Variants in CRADD observed in about 807,000 individuals in gnomAD.
CRADD encodes CARD and death domain containing adaptor protein, also known as death domain-containing protein CRADD.
CRADD carries 9 observed loss-of-function variants against 15.5 expected under a neutral mutation model. The observed-to-expected ratio is 0.58, with a 90% CI of 0.35 to 1.01. The LOEUF (loss-of-function observed/expected upper bound fraction) is 1.01. Among genes scored for constraint, CRADD ranks in the 50% least tolerant of loss-of-function variants. The pLI is 0.02. For synonymous variants in CRADD, 118 were observed against 107.6 expected (o/e 1.10, Z -0.60); for missense variants, 227 against 250.3 (o/e 0.91, Z 0.63).
At chr12:93,792,067 T>C (rs957009302) in intron 2 of CRADD, among the ~76,000 whole-genome samples, 8 of 152,132 alleles carry the variant, frequency 5.3e-5, no homozygotes, top group Non-Finnish European at 1.0e-4. Flanking sequence ...AATCTTAAGA[T>C]GTTATTAGCC....
At chr12:93,786,248 G>C (rs1221004273) in intron 2 of CRADD, among the ~76,000 whole-genome samples, 1 of 152,206 alleles carries the variant, frequency 6.6e-6, no homozygotes, top group Non-Finnish European at 1.5e-5. Context: ...ACAGTTGAGA[G>C]ATGAAGGACA....
chr12:93,851,622 T>G (rs1167922857), downstream of CRADD, among the ~76,000 whole-genome samples: 2 of 152,242 alleles, frequency 1.3e-5, no homozygotes, highest in African/African-American at 2.4e-5. Context: ...CAGGCAAAGC[T>G]GAATAGTGGC....
exon 3 of CRADD, chr12:93,894,254 C>T: frequency 4.0e-6 from 2 of 495,964 alleles, no homozygotes; most frequent in Non-Finnish European, 3.8e-6. Context: ...TGTCACAATT[C>T]TGTGTATGTG....
intron 2 of CRADD, among the ~76,000 whole-genome samples, chr12:93,739,254 AG>A (rs1956632625): frequency 6.6e-6 from 1 of 152,182 alleles, no homozygotes; most frequent in South Asian, 2.1e-4. Context: ...GTAGTAGTGT[AG>A]CCTCTTTTCC....
chr12:93,757,253 T>C lies in CRADD; in HGVS notation c.298+78181T>C, dbSNP rs1185831770. On this transcript the variant is annotated intron_variant, in intron 2 of 2. Coordinates refer to ENST00000332896, the MANE Select transcript of CRADD (RefSeq NM_003805.5). ...AGAGTTTTCATTATGCCGAAGACCA[T>C]ATATTGTATTTTTTGAATTCTCATG... Among the ~76,000 whole-genome samples, 3 of 152,326 alleles carry C rather than the reference T, an allele frequency of 2.0e-5. No homozygotes were observed. In the East Asian group the frequency reaches 5.8e-4, roughly 29 times the overall value.
At position 93,849,955 on chromosome 12, in the gene CRADD, C is replaced by T. The variant is rs1211980921; in HGVS notation, c.299-15C>T. The stretch of plus-strand genomic sequence containing the variant: ...TGCCTTGCTCATTTCACCGGGGTGT[C>T]TTTTTCCTCCTCAGGTGACAGATTG... On this transcript the variant is annotated splice_polypyrimidine_tract_variant and intron_variant, in intron 2 of 2. Transcript: ENST00000332896. 2 of 1,531,838 alleles carry T rather than the reference C, an allele frequency of 1.3e-6. No homozygotes were observed. The highest frequency in any genetic ancestry group is 2.7e-5 in the African/African-American group (2 of 73,184). The allele number at this position is 1,531,838 out of a possible 1,614,324, so 94.9% of individuals were successfully genotyped here.
At position 93,708,350 on chromosome 12, in the gene CRADD, C is replaced by T. The variant is rs189557785; in HGVS notation, c.298+29278C>T. 10 of 152,308 alleles carry T rather than the reference C, an allele frequency of 6.6e-5. No homozygotes were observed. In the East Asian group the frequency reaches 1.9e-3, roughly 29 times the overall value. 9.4% of individuals were successfully genotyped at this position (152,308 alleles called of 1,614,324 possible). A position where few individuals can be genotyped will look rare whatever the true frequency, so the allele number is the denominator to read the frequency against. On this transcript the variant is annotated intron_variant, in intron 2 of 2. Transcript: ENST00000332896. ...GAAAGGCTGTAGGGACTTTCCGTCA[C>T]TCCGAAAACATGAAGTCCAAAGTGG...
intron 2 of CRADD, among the ~76,000 whole-genome samples, chr12:93,727,152 G>A (rs1956382705): frequency 6.6e-6 from 1 of 152,156 alleles, no homozygotes; most frequent in Non-Finnish European, 1.5e-5. Flanking sequence ...GCTTTTGCTT[G>A]TTTTGCTGTT....
At chr12:93,724,935 A>G (rs1452558618) in intron 2 of CRADD, among the ~76,000 whole-genome samples, 4 of 151,934 alleles carry the variant, frequency 2.6e-5, no homozygotes, top group African/African-American at 9.7e-5. Flanking sequence ...ATCTCGGCTC[A>G]CTGCAAGCTC....
At chr12:93,812,110 C>CG (rs779166642) in intron 2 of CRADD, among the ~76,000 whole-genome samples, 8 of 152,110 alleles carry the variant, frequency 5.3e-5, no homozygotes, top group Admixed American at 6.5e-5. Context: ...GCCAGGCCTT[C>CG]GGGGAAGGGA....
intron 2 of CRADD, among the ~76,000 whole-genome samples, chr12:93,833,084 C>T (rs1298814086): frequency 1.3e-5 from 2 of 152,156 alleles, no homozygotes; most frequent in South Asian, 2.1e-4. Flanking sequence ...GGCTCTTTTG[C>T]CTTTGTGGCA....
intron 2 of CRADD, among the ~76,000 whole-genome samples, chr12:93,834,768 G>A (rs761465502): frequency 3.9e-5 from 6 of 152,326 alleles, no homozygotes; most frequent in African/African-American, 7.2e-5. Context: ...GATTACAGGC[G>A]TGAGCCACCA....
At chr12:93,770,995 T>C in intron 2 of CRADD, among the ~76,000 whole-genome samples, 1 of 152,264 alleles carries the variant, frequency 6.6e-6, no homozygotes, top group East Asian at 1.9e-4. Flanking sequence ...TTGTGTTTTC[T>C]ATAATTCATT....
intron 2 of CRADD, among the ~76,000 whole-genome samples, chr12:93,745,139 C>A (rs1282522169): frequency 3.3e-5 from 5 of 152,176 alleles, no homozygotes; most frequent in Non-Finnish European, 1.5e-5. Flanking sequence ...TATAGAGCTG[C>A]ATAATTCTTA....
chr12:93,839,537 T>G (rs1177703568), intron 2 of CRADD, among the ~76,000 whole-genome samples: 4 of 152,234 alleles, frequency 2.6e-5, no homozygotes, highest in Non-Finnish European at 5.9e-5. Context: ...TGCTGGCCAG[T>G]ACGACTGTCC....
intron 2 of CRADD, among the ~76,000 whole-genome samples, chr12:93,717,192 A>G (rs182620546): frequency 1.1e-4 from 16 of 152,322 alleles, no homozygotes; most frequent in African/African-American, 3.8e-4. Flanking sequence ...AGATATCTGT[A>G]CAGGTCTTTG....
intron 2 of CRADD, among the ~76,000 whole-genome samples, chr12:93,740,988 C>G (rs1305088017): frequency 6.6e-6 from 1 of 152,128 alleles, no homozygotes; most frequent in Non-Finnish European, 1.5e-5. Flanking sequence ...CCTTTGCTTT[C>G]TTATAAACAC....
chr12:93,854,383 TC>T (rs1958253897), downstream of CRADD, among the ~76,000 whole-genome samples: 1 of 152,202 alleles, frequency 6.6e-6, no homozygotes, highest in Non-Finnish European at 1.5e-5. Context: ...TGGCAGGGGT[TC>T]CCCAGACAGC....
At chr12:93,793,458 G>A (rs550870732) in intron 2 of CRADD, among the ~76,000 whole-genome samples, 1 of 152,268 alleles carries the variant, frequency 6.6e-6, no homozygotes, top group South Asian at 2.1e-4. Context: ...CATTCAGTGG[G>A]CTGTGGGCGA....
Sources: gnomAD v4.1 joint callset for allele counts (sites outside exome capture counted in the v4.1 genomes callset) on GRCh38, gnomAD v4.1.1 for gene constraint, MANE v1.5 for transcripts, NCBI Gene and HGNC (gene_info 2026-07-23, HGNC 2026-07-21) for gene names.